The following MORC2 variants were observed in gnomAD, a reference collection of about 807,000 sequenced individuals.
The protein encoded by MORC2 is MORC family CW-type zinc finger 2, also known as ATPase MORC2.
In MORC2, 30 loss-of-function variants were observed where a neutral mutation model predicts 136.0. The observed-to-expected ratio is 0.22, with a 90% CI of 0.17 to 0.30. MORC2 has a LOEUF of 0.30. Among genes scored for constraint, MORC2 ranks in the 10% least tolerant of loss-of-function variants. MORC2 has a pLI of 1.00. For synonymous variants in MORC2, 439 were observed against 487.0 expected, an observed-to-expected ratio of 0.90 and a Z score of 1.30; for missense variants, 922 against 1,333.1, an observed-to-expected ratio of 0.69 and a Z score of 4.80.
chr22:30,964,175 G>C (rs148253884), intron 1 of MORC2, among the ~76,000 whole-genome samples: 1 of 152,200 alleles, frequency 6.6e-6, no homozygotes, highest in Non-Finnish European at 1.5e-5. Flanking sequence ...GGCTAACACG[G>C]TGAAACCCCA....
intron 5 of MORC2, among the ~76,000 whole-genome samples, chr22:30,947,831 T>C (rs1014773024): frequency 1.3e-5 from 2 of 152,234 alleles, no homozygotes; most frequent in African/African-American, 2.4e-5. Context: ...CTGTCTTTGA[T>C]TCTGACTTTA....
intron 12 of MORC2, 83 bp downstream of exon 12, chr22:30,939,538 T>A (rs796275513): frequency 7.3e-7 from 1 of 1,369,930 alleles, no homozygotes; most frequent in Non-Finnish European, 1.0e-6. Context: ...CAAAGCAGTC[T>A]TGGTGACAGA....
In MORC2 at chr22:30,941,502, C is replaced by T; in HGVS notation, c.755G>A (p.Arg252Gln). The change falls in exon 9 of 26, where the codon CGG becomes CAG. Residue 252 changes from arginine (R) to glutamine (Q), a missense_variant. Around this residue, in one of 9 missense-constraint regions of MORC2, gnomAD observed 261 missense variants for 354.3 expected, o/e 0.74. Transcript: ENST00000397641. The surrounding 1 kb of genome is among the most constrained non-coding windows in gnomAD (Gnocchi z 4.6). ...AYAAVLYIDP[R>Q]MRIFIHGHKV... ...GTGCCCATGGATGAAGATCCTCATCCGGGGATCAATATAGAGCACAGCGGC... is the reference window on the plus strand; with the variant it reads ...GTGCCCATGGATGAAGATCCTCATCTGGGGATCAATATAGAGCACAGCGGC... 1 of 1,614,044 alleles carries T rather than the reference C, an allele frequency of 6.2e-7. No homozygotes were observed.
intron 25 of MORC2, 95 bp downstream of exon 25, chr22:30,927,924 G>A (rs2040513802): frequency 6.9e-7 from 1 of 1,448,410 alleles, no homozygotes; most frequent in African/African-American, 1.4e-5. Context: ...ATTCCTGTGA[G>A]TGGATAGATT....
intron 24 of MORC2, among the ~76,000 whole-genome samples, chr22:30,931,749 C>T (rs2040578656): frequency 6.6e-6 from 1 of 152,264 alleles, no homozygotes; most frequent in Admixed American, 6.5e-5. Context: ...TATCCACTTT[C>T]TCAGCACTCG....
At position 30,956,744 on chromosome 22, in the gene MORC2, G is replaced by A; in HGVS notation, c.157+19C>T. On this transcript the variant is annotated intron_variant, in intron 3 of 25. Transcript: ENST00000397641. The stretch of plus-strand genomic sequence containing the variant: ...CATTAAGATGAACTAGACATTAGAA[G>A]GACTAAAGCCTGACTTACCTGCATA... The A allele has an allele frequency of 3.3e-6, 5 of 1,526,266 alleles. No homozygotes were observed. The highest frequency in any genetic ancestry group is 4.4e-6 in the Non-Finnish European group (5 of 1,126,214). 94.5% of individuals were successfully genotyped at this position (1,526,266 alleles called of 1,614,324 possible).
intron 4 of MORC2, 24 bp downstream of exon 4, chr22:30,950,353 C>CCCCAAAAAAAAAAAAA: frequency 6.7e-7 from 1 of 1,481,954 alleles, no homozygotes; most frequent in Non-Finnish European, 9.4e-7. Flanking sequence ...CCCCACCCCC[C>CCCCAAAAAAAAAAAAA]AAAACAATAA....
Position 30,932,766 on chromosome 22 carries a change from C to T in MORC2, c.2526G>A (p.Val842=). ...GCCGCACATCCTCACTGCCTTTCTC[C>T]ACCCTGTGGAAGACACACAGCTTAT... ...PTDTTPRDRW[V]EKGSEDVRLM... Residue 842 remains valine, a synonymous_variant, in exon 23 of 26, where the codon GTG becomes GTA. Transcript: ENST00000397641. This position sits in a 1 kb window ranked among gnomAD's most constrained non-coding sequence, Gnocchi z 4.4. The T allele has an allele frequency of 6.2e-7, 1 of 1,614,140 alleles. No homozygotes were observed. The highest frequency in any genetic ancestry group is 8.5e-7 in the Non-Finnish European group (1 of 1,180,010).
chr22:30,950,339 A>AAACCCCCCCC, intron 4 of MORC2, 38 bp downstream of exon 4: 2 of 539,980 alleles, frequency 3.7e-6, no homozygotes, highest in Middle Eastern at 2.9e-4. Flanking sequence ...GTTACATCGC[A>AAACCCCCCCC]CCCCCCCACC....
At chr22:30,963,021 T>G (rs1255790640) in intron 1 of MORC2, among the ~76,000 whole-genome samples, 1 of 152,046 alleles carries the variant, frequency 6.6e-6, no homozygotes, top group Non-Finnish European at 1.5e-5. Context: ...TCACCCAGGC[T>G]GGAGTGCAGT....
chr22:30,937,686 C>A lies in MORC2; in HGVS notation c.1395G>T (p.Trp465Cys). 6.2e-7 allele frequency: 1 copy of A among 1,614,132 alleles called. No individual in the cohort carries two copies. The highest frequency in any genetic ancestry group is 8.5e-7 in the Non-Finnish European group (1 of 1,180,030). The stretch of plus-strand genomic sequence containing the variant: ...TGGCAGAGAGGTAGCCAAACTCATC[C>A]CAGAACTTGATGATTCCCCTCTGGG... ...AIAQRGIIKF[W>C]DEFGYLSANW... The change falls in exon 15 of 26, where the codon TGG (tryptophan) becomes TGT (cysteine). Residue 465 changes from tryptophan to cysteine, a missense_variant. Around this residue, in one of 9 missense-constraint regions of MORC2, gnomAD observed 119 missense variants for 202.7 expected, o/e 0.59. Coordinates refer to ENST00000397641, the MANE Select transcript of MORC2 (RefSeq NM_001303256.3). This position sits in a 1 kb window ranked among gnomAD's most constrained non-coding sequence, Gnocchi z 4.7.
chr22:30,966,291 A>C (rs780721418), intron 1 of MORC2, among the ~76,000 whole-genome samples: 27 of 152,212 alleles, frequency 1.8e-4, no homozygotes, highest in Admixed American at 5.2e-4. Context: ...CCATTTATCA[A>C]ACACAGTCAT....
rs1317196061 is a variant in MORC2 at position 30,941,453 on chromosome 22, G to A, written c.804C>T (p.Ser268=). The change falls in exon 9 of 26, where the codon TCC becomes TCT. Residue 268 remains serine (S), a synonymous_variant. Transcript: ENST00000397641. This position sits in a 1 kb window ranked among gnomAD's most constrained non-coding sequence, Gnocchi z 4.6. ...CCTACCTGGGCTTGTACAGGCAGCA[G>A]GAGAGCCTCTTGGTCTGCACCTTGT... The part of the protein sequence containing the change: ...HGHKVQTKRL[S]CCLYKPRMYK... 4 of 1,613,842 alleles carry A rather than the reference G, an allele frequency of 2.5e-6. No homozygotes were observed. In the African/African-American group the frequency reaches 5.3e-5, roughly 22 times the overall value.
chr22:30,958,580 G>A (rs2040998673), intron 2 of MORC2, 61 bp downstream of exon 2: 2 of 1,374,252 alleles, frequency 1.5e-6, no homozygotes, highest in South Asian at 1.3e-5. Context: ...GAGAGCAAAG[G>A]TCACAGCTAC....
intron 12 of MORC2, among the ~76,000 whole-genome samples, chr22:30,939,411 G>A (rs2040707056): frequency 6.6e-6 from 1 of 152,164 alleles, no homozygotes; most frequent in South Asian, 2.1e-4. Context: ...GGATGGTTTT[G>A]GTGCTCGAGC....
At chr22:30,950,347 A>ACCCCCCC in intron 4 of MORC2, 30 bp downstream of exon 4, 1 of 397,208 alleles carries the variant, frequency 2.5e-6, no homozygotes, top group Non-Finnish European at 4.4e-6. Flanking sequence ...GCACCCCCCC[A>ACCCCCCC]CCCCCCAAAA....
chr22:30,950,339 A>AAGC, intron 4 of MORC2, 38 bp downstream of exon 4: 2 of 539,986 alleles, frequency 3.7e-6, no homozygotes, highest in Non-Finnish European at 3.5e-6. Flanking sequence ...GTTACATCGC[A>AAGC]CCCCCCCACC....
At chr22:30,945,378 T>C (rs189479509) in intron 6 of MORC2, among the ~76,000 whole-genome samples, 149 of 152,312 alleles carry the variant, frequency 9.8e-4, no homozygotes, top group Non-Finnish European at 1.8e-3. Context: ...GGCTCAGATC[T>C]AAACAGAACC....
At chr22:30,955,756 C>A (rs890016114) in intron 3 of MORC2, among the ~76,000 whole-genome samples, 1 of 151,982 alleles carries the variant, frequency 6.6e-6, no homozygotes, top group African/African-American at 2.4e-5. Context: ...CGCCTGTAAT[C>A]CCAGCACTTT....
Sources: gnomAD v4.1 joint callset for allele counts (sites outside exome capture counted in the v4.1 genomes callset) on GRCh38, gnomAD v4.1.1 for gene constraint, gnomAD v4.1.1 regional missense constraint, Gnocchi (gnomAD v3.1) non-coding constraint, MANE v1.5 for transcripts, NCBI Gene and HGNC (gene_info 2026-07-23, HGNC 2026-07-21) for gene names.